The following DPY19L4 variants were observed in gnomAD, a reference collection of about 807,000 sequenced individuals.
DPY19L4 encodes the protein dpy-19 like 4, also known as probable C-mannosyltransferase DPY19L4.
In DPY19L4, 97 loss-of-function variants were observed where a neutral mutation model predicts 102.8. That is an observed-to-expected ratio of 0.94 (90% CI 0.80 to 1.12). DPY19L4 has a LOEUF of 1.12. DPY19L4 is among the 50% of genes most tolerant of loss of function. The probability of loss-of-function intolerance (pLI) is 0.00; values close to 1 mark genes in which losing one functional copy is unlikely to be tolerated. For missense variants in DPY19L4, 815 were observed against 850.4 expected (o/e 0.96, Z 0.52); for synonymous variants, 252 against 283.1 (o/e 0.89, Z 1.10).
intron 2 of DPY19L4, among the ~76,000 whole-genome samples, chr8:94,730,877 C>T (rs1425134230): frequency 1.3e-5 from 2 of 149,312 alleles, no homozygotes; most frequent in Admixed American, 6.7e-5. Context: ...TCCCGAGTAG[C>T]TGGGATTACA....
intron 2 of DPY19L4, 41 bp from the exon 3 acceptor site, chr8:94,734,589 G>T: frequency 6.4e-7 from 1 of 1,569,178 alleles, no homozygotes; most frequent in Non-Finnish European, 8.7e-7. Flanking sequence ...CATATCAAGG[G>T]TACATATTAC....
intron 6 of DPY19L4, among the ~76,000 whole-genome samples, chr8:94,749,471 A>G (rs71532330): frequency 0.14 from 21,200 of 152,204 alleles, 1,595 homozygotes; most frequent in Non-Finnish European, 0.17. Context: ...TATAACCTTT[A>G]CATCCTGATG....
intron 13 of DPY19L4, among the ~76,000 whole-genome samples, chr8:94,776,658 T>C (rs1039278900): frequency 2.6e-5 from 4 of 152,000 alleles, no homozygotes; most frequent in Admixed American, 2.6e-4. Flanking sequence ...TAAAACAAAA[T>C]GCTATAGTTA....
At chr8:94,739,926 T>A in intron 6 of DPY19L4, 136 bp downstream of exon 6, 1 of 1,117,788 alleles carries the variant, frequency 8.9e-7, no homozygotes, top group Non-Finnish European at 1.3e-6. Flanking sequence ...GCCATTCCCA[T>A]GATTATGATA....
intron 17 of DPY19L4, among the ~76,000 whole-genome samples, chr8:94,787,414 G>A (rs1813702015): frequency 6.6e-6 from 1 of 152,110 alleles, no homozygotes; most frequent in Non-Finnish European, 1.5e-5. Context: ...CGTGGGAACT[G>A]AAGGTACTAG....
At position 94,729,782 on chromosome 8, in the gene DPY19L4, G is replaced by A. The variant is rs1291579726; in HGVS notation, c.127+3341G>A. ...AGAAGTGGTGTTTGCAGTGAGCCAG[G>A]ATCACGCCACTGCACTCCAGCCTGG... On this transcript the variant is annotated intron_variant, in intron 2 of 18. Transcript: ENST00000414645. Among the ~76,000 whole-genome samples the A allele has an allele frequency of 4.2e-3, 630 of 151,628 alleles. 6 individuals carry two copies. Among genetic ancestry groups the A allele is most frequent in the African/African-American group, 0.014 (597 of 41,304 alleles).
At chr8:94,732,939 T>C (rs1253286702) in intron 2 of DPY19L4, among the ~76,000 whole-genome samples, 1 of 151,146 alleles carries the variant, frequency 6.6e-6, no homozygotes, top group Non-Finnish European at 1.5e-5. Flanking sequence ...GCCTCCCAAG[T>C]AGCTGGGATT....
At chr8:94,769,292 C>A (rs1812822185) in intron 12 of DPY19L4, among the ~76,000 whole-genome samples, 1 of 151,912 alleles carries the variant, frequency 6.6e-6, no homozygotes, top group Admixed American at 6.6e-5. Context: ...AACTCCCGAC[C>A]TCAAGGTGAT....
chr8:94,784,133 TCCGCTTCCTGGGTTCAAGCG>T, intron 17 of DPY19L4, among the ~76,000 whole-genome samples: 1 of 152,206 alleles, frequency 6.6e-6, no homozygotes, highest in African/African-American at 2.4e-5. Context: ...CACTGCAACC[TCCGCTTCCTGGGTTCAAGCG>T]ATTCTCCTGC....
intron 12 of DPY19L4, among the ~76,000 whole-genome samples, 183 bp downstream of exon 12, chr8:94,768,736 A>T (rs1586394543): frequency 6.6e-6 from 1 of 152,174 alleles, no homozygotes; most frequent in Admixed American, 6.5e-5. Context: ...GCTCATGCCT[A>T]TAATCCCAGC....
chr8:94,729,621 A>AT (rs71273367), intron 2 of DPY19L4, among the ~76,000 whole-genome samples: 2 of 146,518 alleles, frequency 1.4e-5, no homozygotes, highest in Non-Finnish European at 3.0e-5. Flanking sequence ...AAAAAAAAAA[A>AT]TTTAAGCCTA....
intron 2 of DPY19L4, among the ~76,000 whole-genome samples, chr8:94,731,055 CAAAAAAA>C (rs57246749): frequency 3.9e-5 from 4 of 103,264 alleles, no homozygotes; most frequent in South Asian, 3.3e-4. Context: ...AACTCTGTCT[CAAAAAAA>C]AAAAAAAAAA....
At chr8:94,720,943 C>A (rs568218660) in intron 1 of DPY19L4, among the ~76,000 whole-genome samples, 6 of 152,024 alleles carry the variant, frequency 3.9e-5, no homozygotes, top group African/African-American at 1.4e-4. Flanking sequence ...AGACTCAAGC[C>A]CCCCTGCCTT....
intron 6 of DPY19L4, chr8:94,745,001 A>G (rs1811608158): frequency 6.0e-6 from 1 of 165,942 alleles, no homozygotes; most frequent in Admixed American, 5.6e-5. Context: ...CTGTCTCTTT[A>G]TTCATCAGCT....
intron 2 of DPY19L4, 152 bp downstream of exon 2, chr8:94,726,593 T>C (rs937626176): frequency 1.7e-6 from 1 of 583,874 alleles, no homozygotes; most frequent in African/African-American, 1.9e-5. Flanking sequence ...TCTCACTGGC[T>C]TATGACAAAC....
Position 94,781,183 on chromosome 8 carries a change from C to G in DPY19L4, c.1715+17C>G, listed in dbSNP as rs1813417288. The G allele has an allele frequency of 4.5e-6, 7 of 1,545,946 alleles. No homozygotes were observed. Among genetic ancestry groups the G allele is most frequent in the Non-Finnish European group, 5.2e-6 (6 of 1,147,976 alleles). The stretch of plus-strand genomic sequence containing the variant: ...CTGGATAAAGTAAGGATTGAAGTGC[C>G]CAAGACTATTATTAAGCTATTAATT... On this transcript the variant is annotated intron_variant, in intron 16 of 18. Transcript: ENST00000414645.
intron 8 of DPY19L4, among the ~76,000 whole-genome samples, chr8:94,762,954 C>CT (rs111479023): frequency 0.26 from 38,390 of 146,780 alleles, 5,689 homozygotes; most frequent in African/African-American, 0.43. Flanking sequence ...TGAGGTCTCT[C>CT]TTTTTTTTTT....
At position 94,721,015 on chromosome 8, in the gene DPY19L4, C is replaced by T. The variant is rs903454185; in HGVS notation, c.16+1001C>T. ...AGTCTAGAGTGCAAAGGCGCGATCT[C>T]GGTTCACCGCAACCTCCGCTTCCTG... On this transcript the variant is annotated intron_variant, in intron 1 of 18. Transcript: ENST00000414645. Among the ~76,000 whole-genome samples the T allele has an allele frequency of 3.9e-5, 6 of 151,988 alleles. No individual in the cohort carries two copies. The South Asian group carries it at 6.2e-4, about 16-fold the overall frequency.
At chr8:94,733,300 A>G (rs1339368765) in intron 2 of DPY19L4, among the ~76,000 whole-genome samples, 1 of 149,788 alleles carries the variant, frequency 6.7e-6, no homozygotes, top group Non-Finnish European at 1.5e-5. Context: ...AATTTTTTGT[A>G]TTTTTTAATA....
Sources: allele counts gnomAD v4.1 joint callset (sites outside exome capture counted in the v4.1 genomes callset), GRCh38; gene constraint gnomAD v4.1.1; transcripts MANE v1.5; gene names NCBI Gene and HGNC (gene_info 2026-07-23, HGNC 2026-07-21).